Variants in PRKDC observed in about 807,000 individuals in gnomAD.
PRKDC encodes protein kinase, DNA-activated, catalytic subunit.
PRKDC carries 82 observed loss-of-function variants against 486.9 expected under a neutral mutation model. That is an observed-to-expected ratio of 0.17 (90% CI 0.14 to 0.20). The LOEUF is 0.20. Ranked by LOEUF, PRKDC falls within the 10% of genes least tolerant of loss-of-function variation. The probability of loss-of-function intolerance (pLI) is 1.00; values close to 1 mark genes in which losing one functional copy is unlikely to be tolerated. For synonymous variants in PRKDC, 1,895 were observed against 1,837.0 expected, an observed-to-expected ratio of 1.03 and a Z score of -0.81; for missense variants, 4,504 against 5,038.2, an observed-to-expected ratio of 0.89 and a Z score of 3.21.
Position 47,913,895 on chromosome 8 carries a change from A to G in PRKDC, c.2781+6T>C. The stretch of plus-strand genomic sequence containing the variant: ...AAATAATGGGTGAAATGAAAAATAG[A>G]AGTACTTTAGTTTGTCTGTCACTGG... On this transcript the variant is annotated splice_donor_region_variant and intron_variant, in intron 24 of 85. Coordinates refer to ENST00000314191, the MANE Select transcript of PRKDC (RefSeq NM_006904.7). 1 of 1,590,680 alleles carries G rather than the reference A, an allele frequency of 6.3e-7. No homozygotes were observed. Among genetic ancestry groups the G allele is most frequent in the South Asian group, 1.2e-5 (1 of 86,144 alleles).
chr8:47,847,357 G>A (rs142616889), intron 54 of PRKDC, among the ~76,000 whole-genome samples: 1 of 152,122 alleles, frequency 6.6e-6, no homozygotes, highest in Non-Finnish European at 1.5e-5. Flanking sequence ...AAATAAAGCC[G>A]AACCATCTGA....
intron 74 of PRKDC, among the ~76,000 whole-genome samples, 174 bp downstream of exon 74, chr8:47,794,116 A>G (rs777756616): frequency 6.6e-6 from 1 of 152,252 alleles, no homozygotes; most frequent in African/African-American, 2.4e-5. Flanking sequence ...GATACATCCT[A>G]TAACAAGTAA....
At chr8:47,926,146 T>C (rs1316536850) in intron 21 of PRKDC, among the ~76,000 whole-genome samples, 1 of 152,224 alleles carries the variant, frequency 6.6e-6, no homozygotes, top group Non-Finnish European at 1.5e-5. Context: ...TCAGATATAT[T>C]CATTTTACTA....
intron 34 of PRKDC, 41 bp downstream of exon 34, chr8:47,888,477 C>G: frequency 6.9e-7 from 1 of 1,458,128 alleles, no homozygotes; most frequent in African/African-American, 1.4e-5. Flanking sequence ...AATTATCATA[C>G]TAAAGCTAAA....
chr8:47,827,747 A>G (rs1387459622), intron 62 of PRKDC, among the ~76,000 whole-genome samples: 1 of 152,222 alleles, frequency 6.6e-6, no homozygotes, highest in African/African-American at 2.4e-5. Context: ...TAAGGTCGGG[A>G]GGAAAGGAAT....
At chr8:47,774,995 C>G (rs1381923988) in intron 85 of PRKDC, among the ~76,000 whole-genome samples, 1 of 151,894 alleles carries the variant, frequency 6.6e-6, no homozygotes, top group African/African-American at 2.4e-5. Flanking sequence ...CAAGACCAGC[C>G]TGGCCAACAT....
chr8:47,900,323 G>T (rs1278533443), intron 28 of PRKDC, 50 bp downstream of exon 28: 1 of 1,361,116 alleles, frequency 7.3e-7, no homozygotes, highest in African/African-American at 1.5e-5. Context: ...TCCTCATTGG[G>T]GAAACTCTTC....
At chr8:47,847,758 C>T (rs151000025) in intron 54 of PRKDC, among the ~76,000 whole-genome samples, 54 of 151,838 alleles carry the variant, frequency 3.6e-4, no homozygotes, top group African/African-American at 8.9e-4. Flanking sequence ...ATGCACCTAA[C>T]GAAGGTCTAA....
chr8:47,806,318 C>T (rs1489756828), intron 69 of PRKDC, among the ~76,000 whole-genome samples: 1 of 152,186 alleles, frequency 6.6e-6, no homozygotes, highest in Non-Finnish European at 1.5e-5. Context: ...ACCCCAACTC[C>T]CTCACCACTA....
At chr8:47,930,925 T>C in intron 16 of PRKDC, 138 bp from the exon 17 acceptor site, 1 of 775,056 alleles carries the variant, frequency 1.3e-6, no homozygotes, top group Non-Finnish European at 2.0e-6. Flanking sequence ...CCAAGATGGG[T>C]GCTCAAGACC....
chr8:47,945,990 G>A (rs369806543), intron 7 of PRKDC, among the ~76,000 whole-genome samples: 18 of 151,918 alleles, frequency 1.2e-4, no homozygotes, highest in East Asian at 7.9e-4. Flanking sequence ...CCAAAGTGCC[G>A]GGATTACAGG....
intron 73 of PRKDC, among the ~76,000 whole-genome samples, chr8:47,796,252 C>T (rs1360319788): frequency 4.6e-5 from 7 of 151,944 alleles, no homozygotes; most frequent in Non-Finnish European, 1.0e-4. Context: ...TTTACCAACA[C>T]TGCACATAAT....
chr8:47,923,688 G>A (rs892685165), intron 21 of PRKDC, among the ~76,000 whole-genome samples: 1 of 152,200 alleles, frequency 6.6e-6, no homozygotes, highest in Non-Finnish European at 1.5e-5. Context: ...GGCTGTGAAG[G>A]TGTAGGGGCC....
chr8:47,892,595 T>C (rs1039200344), intron 31 of PRKDC, among the ~76,000 whole-genome samples: 3 of 152,212 alleles, frequency 2.0e-5, no homozygotes, highest in Non-Finnish European at 4.4e-5. Context: ...CTTCCCAAAG[T>C]GCTGGGATTA....
chr8:47,777,362 C>G (rs1439664477), intron 84 of PRKDC, among the ~76,000 whole-genome samples: 1 of 152,080 alleles, frequency 6.6e-6, no homozygotes, highest in Admixed American at 6.6e-5. Flanking sequence ...GTGTGCGTTA[C>G]CACGCCCAGC....
In PRKDC at chr8:47,938,915, A is replaced by T. The variant is rs536980390; in HGVS notation, c.1113+636T>A. ...TTTCTGTCATATAAACTTTTTTTTT[A>T]ACTTCTCTTCCTAAAACGTTGTGAA... On this transcript the variant is annotated intron_variant, in intron 11 of 85. Coordinates refer to ENST00000314191, the MANE Select transcript of PRKDC (RefSeq NM_006904.7). Among the ~76,000 whole-genome samples the T allele has an allele frequency of 1.1e-4, 17 of 152,096 alleles. No individual in the cohort carries two copies. In the South Asian group the frequency reaches 3.5e-3, roughly 32 times the overall value.
At chr8:47,836,304 T>C in intron 58 of PRKDC, 34 bp downstream of exon 58, 1 of 1,509,948 alleles carries the variant, frequency 6.6e-7, no homozygotes, top group Middle Eastern at 2.0e-4. Context: ...GTCAGGGTGC[T>C]GTATACATGG....
intron 16 of PRKDC, 85 bp from the exon 17 acceptor site, chr8:47,930,872 C>A: frequency 1.6e-6 from 2 of 1,289,622 alleles, no homozygotes; most frequent in South Asian, 2.8e-5. Flanking sequence ...ACTTCATGGT[C>A]AAGGCCTGAT....
At chr8:47,818,318 T>C (rs549274719) in intron 67 of PRKDC, among the ~76,000 whole-genome samples, 3 of 152,076 alleles carry the variant, frequency 2.0e-5, no homozygotes, top group Non-Finnish European at 4.4e-5. Flanking sequence ...CGGTGGCTCA[T>C]GCCTGTACCC....
Sources: allele counts gnomAD v4.1 joint callset (sites outside exome capture counted in the v4.1 genomes callset), GRCh38; gene constraint gnomAD v4.1.1; transcripts MANE v1.5; gene names NCBI Gene and HGNC (gene_info 2026-07-23, HGNC 2026-07-21).